Variants in ACTN4 observed in about 807,000 individuals in gnomAD.
ACTN4 encodes alpha-actinin-4.
ACTN4 carries 18 observed loss-of-function variants against 114.2 expected under a neutral mutation model. The observed-to-expected ratio is 0.16, with a 90% CI of 0.11 to 0.23. The LOEUF is 0.23. Ranked by LOEUF, ACTN4 falls within the 10% of genes least tolerant of loss-of-function variation. The pLI is 1.00. For missense variants in ACTN4, 722 were observed against 1,262.9 expected (o/e 0.57, Z 6.49); for synonymous variants, 515 against 506.3 (o/e 1.02, Z -0.23).
intron 8 of ACTN4, among the ~76,000 whole-genome samples, chr19:38,713,625 G>GGA (rs1379787983): frequency 2.6e-5 from 4 of 152,218 alleles, no homozygotes; most frequent in African/African-American, 7.2e-5. Context: ...TGTGTGGAGG[G>GGA]GAGAGGCTGG....
chr19:38,705,595 C>T (rs988765618), intron 4 of ACTN4, among the ~76,000 whole-genome samples: 1 of 152,188 alleles, frequency 6.6e-6, no homozygotes. Context: ...TGAGGACAGC[C>T]GAGCTATCCA....
At position 38,729,876 on chromosome 19, in the gene ACTN4, C is replaced by T. The variant is rs1252075088; in HGVS notation, c.*444C>T. ...GGCCATGCGAGGGGCCAGCAGAGGG[C>T]GCCACCACCACCTGACGGCTGGGGA... On this transcript the variant is annotated 3_prime_UTR_variant, in exon 21 of 21. Transcript: ENST00000252699. The T allele has an allele frequency of 1.1e-5, 4 of 359,322 alleles. No homozygotes were observed. The highest frequency in any genetic ancestry group is 4.1e-5 in the South Asian group (2 of 48,248). The allele number at this position is 359,322 out of a possible 1,614,324, so 22.3% of individuals were successfully genotyped here. A position where few individuals can be genotyped will look rare whatever the true frequency, so the allele number is the denominator to read the frequency against.
At chr19:38,714,613 G>T in intron 9 of ACTN4, 52 bp downstream of exon 9, 1 of 1,576,466 alleles carries the variant, frequency 6.3e-7, no homozygotes. Flanking sequence ...CTCAGCCAGA[G>T]GTCACTGTGA....
rs759465458 is a variant in ACTN4 at position 38,660,675 on chromosome 19, C to T, written c.162+12768C>T. On this transcript the variant is annotated intron_variant, in intron 1 of 20. Coordinates refer to ENST00000252699, the MANE Select transcript of ACTN4 (RefSeq NM_004924.6). ...CCACCCCAAGTGCTGGGATTACAGG[C>T]GCGAGCCACCATGCCCGACCCATGG... Among the ~76,000 whole-genome samples the T allele has an allele frequency of 4.8e-4, 73 of 152,292 alleles. 1 individual carries two copies. Among genetic ancestry groups the T allele is most frequent in the East Asian group, 7.7e-4 (4 of 5,184 alleles).
At chr19:38,683,281 C>A (rs1164552914) in intron 1 of ACTN4, among the ~76,000 whole-genome samples, 1 of 152,278 alleles carries the variant, frequency 6.6e-6, no homozygotes, top group Middle Eastern at 3.4e-3. Flanking sequence ...CCATTTTGTT[C>A]CGTGCTGGCT....
At chr19:38,684,842 C>G (rs920600862) in intron 1 of ACTN4, among the ~76,000 whole-genome samples, 3 of 151,874 alleles carry the variant, frequency 2.0e-5, no homozygotes. Context: ...TGTTGTCTGT[C>G]TCATGCATCC....
chr19:38,717,438 G>A lies in ACTN4; in HGVS notation c.1143+122G>A. On this transcript the variant is annotated intron_variant, in intron 10 of 20. Transcript: ENST00000252699. The surrounding 1 kb of genome is among the most constrained non-coding windows in gnomAD (Gnocchi z 4.0). ...GTTGATGTCCTGTGGGACATGGCAT[G>A]GCCTTTCGGATGCAGTGGTCGGGGA... 1 of 1,342,956 alleles carries A rather than the reference G, an allele frequency of 7.4e-7. No individual in the cohort carries two copies. Among genetic ancestry groups the A allele is most frequent in the Non-Finnish European group, 1.0e-6 (1 of 973,702 alleles). 83.2% of individuals were successfully genotyped at this position (1,342,956 alleles called of 1,614,324 possible). A position where few individuals can be genotyped will look rare whatever the true frequency, so the allele number is the denominator to read the frequency against.
Position 38,727,165 on chromosome 19 carries a change from T to G in ACTN4, c.2337+62T>G. The G allele has an allele frequency of 6.2e-7, 1 of 1,610,944 alleles. No homozygotes were observed. The highest frequency in any genetic ancestry group is 8.5e-7 in the Non-Finnish European group (1 of 1,178,282). ...CGCCGTTGCCGTACCAGCCCACACC[T>G]TCGTCTCTGCATCTGTTCGTCCATT... On this transcript the variant is annotated intron_variant, in intron 18 of 20. Coordinates refer to ENST00000252699, the MANE Select transcript of ACTN4 (RefSeq NM_004924.6). The surrounding 1 kb of genome is among the most constrained non-coding windows in gnomAD (Gnocchi z 5.4).
chr19:38,675,839 A>G (rs889182518), intron 1 of ACTN4, among the ~76,000 whole-genome samples: 2 of 152,190 alleles, frequency 1.3e-5, no homozygotes, highest in Non-Finnish European at 2.9e-5. Flanking sequence ...AGCCAGGCCA[A>G]GCAGAGGGCC....
intron 1 of ACTN4, among the ~76,000 whole-genome samples, chr19:38,669,166 T>C (rs547910572): frequency 2.0e-5 from 3 of 152,190 alleles, no homozygotes; most frequent in Non-Finnish European, 4.4e-5. Flanking sequence ...TTTGTATTTT[T>C]AGTAGAGACG....
chr19:38,710,703 C>CAGGGCTGTCACAGGAG (rs1968618001), intron 8 of ACTN4: 2 of 369,302 alleles, frequency 5.4e-6, no homozygotes, highest in Non-Finnish European at 1.1e-5. Context: ...TGACCTTCAG[C>CAGGGCTGTCACAGGAG]TGGTGCTGTC....
At chr19:38,691,879 G>C (rs1967941762) in intron 1 of ACTN4, among the ~76,000 whole-genome samples, 1 of 152,138 alleles carries the variant, frequency 6.6e-6, no homozygotes, top group Non-Finnish European at 1.5e-5. Context: ...CTCCAACCTG[G>C]CGACACAGCG....
chr19:38,667,419 T>TG (rs1244794798), intron 1 of ACTN4, among the ~76,000 whole-genome samples: 16 of 151,500 alleles, frequency 1.1e-4, no homozygotes, highest in Admixed American at 5.9e-4. Context: ...TCACAAGGGG[T>TG]GGGGGGTGTC....
At chr19:38,708,513 G>T (rs1329465405) in intron 6 of ACTN4, among the ~76,000 whole-genome samples, 2 of 152,200 alleles carry the variant, frequency 1.3e-5, no homozygotes, top group Non-Finnish European at 2.9e-5. Context: ...AACCTCCTCT[G>T]CCCAAAGGGG....
Position 38,730,787 on chromosome 19 carries a change from G to A in ACTN4, c.*1355G>A. On this transcript the variant is annotated 3_prime_UTR_variant, in exon 21 of 21. Transcript: ENST00000252699. ...AGAGAGTGGCACCCATGCCAGGCAA[G>A]GCCTAGGGAGGTGGTCTTGCTCAGC... 6.5e-7 allele frequency: 1 copy of A among 1,540,092 alleles called. No individual in the cohort carries two copies. Among genetic ancestry groups the A allele is most frequent in the East Asian group, 2.4e-5 (1 of 40,854 alleles).
intron 1 of ACTN4, among the ~76,000 whole-genome samples, chr19:38,681,732 C>G (rs1256761146): frequency 6.6e-6 from 1 of 152,210 alleles, no homozygotes; most frequent in Admixed American, 6.5e-5. Flanking sequence ...GTCAGGGTCT[C>G]CCCCAGACCC....
intron 5 of ACTN4, among the ~76,000 whole-genome samples, chr19:38,706,461 G>C (rs930264022): frequency 6.6e-6 from 1 of 152,234 alleles, no homozygotes; most frequent in Admixed American, 6.5e-5. Flanking sequence ...CTGTCACCCA[G>C]ACTGGAGGGC....
intron 1 of ACTN4, among the ~76,000 whole-genome samples, chr19:38,673,837 C>T (rs1967290855): frequency 8.1e-6 from 1 of 122,828 alleles, no homozygotes; most frequent in African/African-American, 3.3e-5. Flanking sequence ...GGCTGGAGTG[C>T]AGTAGCGTGA....
intron 1 of ACTN4, 92 bp downstream of exon 1, chr19:38,647,999 G>C: frequency 7.4e-7 from 1 of 1,351,298 alleles, no homozygotes; most frequent in Non-Finnish European, 9.6e-7. Context: ...TGGAGCGTCT[G>C]TGATGGGAAC....
Sources: gnomAD v4.1 joint callset for allele counts (sites outside exome capture counted in the v4.1 genomes callset) on GRCh38, gnomAD v4.1.1 for gene constraint, Gnocchi (gnomAD v3.1) non-coding constraint, MANE v1.5 for transcripts, NCBI Gene and HGNC (gene_info 2026-07-23, HGNC 2026-07-21) for gene names.